Variants in ATP9B observed in about 807,000 individuals in gnomAD.
The protein encoded by ATP9B is probable phospholipid-transporting ATPase IIB.
In ATP9B, 110 loss-of-function variants were observed where a neutral mutation model predicts 146.1. The observed-to-expected ratio is 0.75, with a 90% CI of 0.65 to 0.88. The LOEUF (loss-of-function observed/expected upper bound fraction) is 0.88. Ranked by LOEUF, ATP9B falls within the 40% of genes least tolerant of loss-of-function variation. ATP9B has a pLI of 0.00. For missense variants in ATP9B, 1,499 were observed against 1,496.4 expected (o/e 1.00, Z -0.03); for synonymous variants, 604 against 569.7 (o/e 1.06, Z -0.86).
At chr18:79,289,693 T>G (rs1221393884) in intron 13 of ATP9B, among the ~76,000 whole-genome samples, 1 of 152,156 alleles carries the variant, frequency 6.6e-6, no homozygotes, top group Non-Finnish European at 1.5e-5. Flanking sequence ...GCGCTCTGCT[T>G]TTTAGAGTTT....
intron 12 of ATP9B, among the ~76,000 whole-genome samples, chr18:79,274,819 A>G (rs1052150564): frequency 6.6e-6 from 1 of 152,216 alleles, no homozygotes; most frequent in Non-Finnish European, 1.5e-5. Flanking sequence ...CTTGTATTCA[A>G]CTTACCATAT....
intron 11 of ATP9B, among the ~76,000 whole-genome samples, chr18:79,222,260 G>A (rs2095687272): frequency 1.3e-5 from 2 of 152,080 alleles, no homozygotes; most frequent in African/African-American, 2.4e-5. Flanking sequence ...TCAGGAGGCT[G>A]AGGCAAGAGA....
At chr18:79,370,219 T>C (rs2097060882) in intron 26 of ATP9B, among the ~76,000 whole-genome samples, 1 of 152,370 alleles carries the variant, frequency 6.6e-6, no homozygotes, top group Non-Finnish European at 1.5e-5. Context: ...TAGCATTCAG[T>C]GAATATTTAC....
intron 4 of ATP9B, among the ~76,000 whole-genome samples, chr18:79,124,480 C>T (rs575152): frequency 0.13 from 20,083 of 152,292 alleles, 1,925 homozygotes; most frequent in African/African-American, 0.27. Context: ...CCATGCCTGC[C>T]TTCTTTGCAG....
intron 13 of ATP9B, among the ~76,000 whole-genome samples, chr18:79,295,074 G>GGA (rs2096537728): frequency 6.7e-6 from 1 of 149,066 alleles, no homozygotes; most frequent in Non-Finnish European, 1.5e-5. Flanking sequence ...ACGTGTGCGT[G>GGA]CATCCATGAA....
chr18:79,211,704 T>A (rs546610211), intron 10 of ATP9B, among the ~76,000 whole-genome samples: 1 of 152,344 alleles, frequency 6.6e-6, no homozygotes, highest in East Asian at 1.9e-4. Flanking sequence ...AAGTTAAATT[T>A]TTGATTTAAT....
chr18:79,242,124 T>C (rs544815108), intron 11 of ATP9B, among the ~76,000 whole-genome samples: 1 of 152,258 alleles, frequency 6.6e-6, no homozygotes, highest in Non-Finnish European at 1.5e-5. Flanking sequence ...GCGAGGGTTA[T>C]TAATTCGCTA....
intron 15 of ATP9B, among the ~76,000 whole-genome samples, chr18:79,327,638 C>A (rs111788550): frequency 1.7e-4 from 8 of 45,870 alleles, no homozygotes; most frequent in Admixed American, 1.0e-3. Flanking sequence ...TGTGCCCTCC[C>A]TGGTTAGCAT....
intron 7 of ATP9B, among the ~76,000 whole-genome samples, chr18:79,160,969 C>T (rs141100941): frequency 6.6e-6 from 1 of 152,094 alleles, no homozygotes; most frequent in African/African-American, 2.4e-5. Context: ...GGGGTTTTAC[C>T]ACGTTGGCCA....
intron 8 of ATP9B, among the ~76,000 whole-genome samples, chr18:79,181,756 C>G (rs2095254876): frequency 6.6e-6 from 1 of 152,124 alleles, no homozygotes; most frequent in Non-Finnish European, 1.5e-5. Flanking sequence ...TCATACGTTT[C>G]TCTCATTTTT....
At chr18:79,213,058 T>C (rs2095598185) in intron 10 of ATP9B, among the ~76,000 whole-genome samples, 1 of 152,174 alleles carries the variant, frequency 6.6e-6, no homozygotes, top group African/African-American at 2.4e-5. Context: ...TCAAAGAGCC[T>C]GTCTTATGAT....
At chr18:79,189,945 G>A (rs185911555) in intron 8 of ATP9B, among the ~76,000 whole-genome samples, 23 of 152,326 alleles carry the variant, frequency 1.5e-4, no homozygotes, top group Non-Finnish European at 2.9e-4. Flanking sequence ...GCGAGCACTC[G>A]GAACTGTGAT....
chr18:79,089,520 T>G (rs1338089052), intron 1 of ATP9B, among the ~76,000 whole-genome samples: 2 of 152,174 alleles, frequency 1.3e-5, no homozygotes, highest in African/African-American at 4.8e-5. Flanking sequence ...CCTTCAGAGA[T>G]TGGTTGCTTT....
rs779068430 is a variant in ATP9B, at chr18:79,345,593, T to C, written c.2617+21T>C. 6 of 1,602,876 alleles carry C rather than the reference T, an allele frequency of 3.7e-6. No individual in the cohort carries two copies. In the Admixed American group the frequency reaches 8.3e-5, roughly 22 times the overall value. ...CATCGGTGAGAGCCGCCCACCCTGC[T>C]CACAGGGAGGTCTCCAGAGAAACCC... is the stretch of plus-strand genomic sequence containing the variant. On this transcript the variant is annotated intron_variant, in intron 22 of 29. Coordinates refer to ENST00000426216, the MANE Select transcript of ATP9B (RefSeq NM_198531.5).
chr18:79,360,776 G>A (rs750816323), intron 26 of ATP9B: 1 of 152,182 alleles, frequency 6.6e-6, no homozygotes, highest in African/African-American at 2.4e-5. Flanking sequence ...AATACCAAGC[G>A]TTATTATCAT....
chr18:79,118,325 A>G (rs75308550), intron 4 of ATP9B, among the ~76,000 whole-genome samples: 4,196 of 151,368 alleles, frequency 0.028, 173 homozygotes, highest in African/African-American at 0.092. Flanking sequence ...ATAGCATTAT[A>G]GAAACTTTAG....
chr18:79,140,927 C>T (rs2094506297), intron 5 of ATP9B, among the ~76,000 whole-genome samples: 1 of 152,082 alleles, frequency 6.6e-6, no homozygotes, highest in Non-Finnish European at 1.5e-5. Context: ...TATTATGTTT[C>T]TGAAAAATAA....
At chr18:79,203,781 A>AC (rs903556947) in intron 9 of ATP9B, among the ~76,000 whole-genome samples, 3 of 152,148 alleles carry the variant, frequency 2.0e-5, no homozygotes, top group Non-Finnish European at 4.4e-5. Flanking sequence ...GAACCTCTAG[A>AC]CCCCCAGCAG....
chr18:79,072,290 A>G (rs1208193677), intron 1 of ATP9B, among the ~76,000 whole-genome samples: 1 of 151,602 alleles, frequency 6.6e-6, no homozygotes, highest in Non-Finnish European at 1.5e-5. Context: ...TAGGCAGAGG[A>G]CCCTGCGGCC....
Sources: allele counts gnomAD v4.1 joint callset (sites outside exome capture counted in the v4.1 genomes callset), GRCh38; gene constraint gnomAD v4.1.1; transcripts MANE v1.5; gene names NCBI Gene and HGNC (gene_info 2026-07-23, HGNC 2026-07-21).